Variants in RNF138 observed in about 807,000 individuals in gnomAD.
RNF138 encodes ring finger protein 138.
A neutral mutation model predicts 31.0 loss-of-function variants in RNF138; 12 were observed. The observed-to-expected ratio is 0.39, with a 90% CI of 0.25 to 0.63. The LOEUF (loss-of-function observed/expected upper bound fraction) is 0.63, where lower values mean the gene tolerates loss of function less well. RNF138 is among the 20% of genes least tolerant of loss of function. The probability of loss-of-function intolerance (pLI) is 0.52; values close to 1 mark genes in which losing one functional copy is unlikely to be tolerated. For missense variants in RNF138, 192 were observed against 300.1 expected (o/e 0.64, Z 2.66); for synonymous variants, 105 against 99.5 (o/e 1.06, Z -0.33).
At chr18:32,093,044 C>T (rs1368848034) in intron 2 of RNF138, among the ~76,000 whole-genome samples, 158 bp downstream of exon 2, 2 of 151,908 alleles carry the variant, frequency 1.3e-5, no homozygotes, top group Non-Finnish European at 2.9e-5. Context: ...CCTCAGAGTC[C>T]CGGGGCGGCC....
intron 2 of RNF138, among the ~76,000 whole-genome samples, chr18:32,109,236 C>T (rs1478621263): frequency 6.6e-6 from 1 of 151,894 alleles, no homozygotes; most frequent in Non-Finnish European, 1.5e-5. Flanking sequence ...TCACTGCAAC[C>T]TCTGCCTCAC....
intron 2 of RNF138, among the ~76,000 whole-genome samples, chr18:32,101,265 A>G (rs2144573607): frequency 6.8e-6 from 1 of 146,944 alleles, no homozygotes; most frequent in Non-Finnish European, 1.5e-5. Flanking sequence ...TCCAGGCTGG[A>G]GTGCAGTGGC....
chr18:32,118,368 T>C (rs960084854), intron 4 of RNF138, among the ~76,000 whole-genome samples: 1 of 151,326 alleles, frequency 6.6e-6, no homozygotes, highest in African/African-American at 2.4e-5. Context: ...ACCCCATCTC[T>C]ACTAAAAATA....
rs181468451 is a variant in RNF138, at chr18:32,096,255, A to C, written c.110+3369A>C. 3.2e-4 allele frequency among the ~76,000 whole-genome samples: 49 copies of C among 152,338 alleles called. 1 individual carries two copies. The South Asian group carries it at 7.5e-3, about 23-fold the overall frequency. ...TTTTTAGAAAGTTTACCTTCATAGC[A>C]GGGTTTTCAGCTTGGTAGTGGTGAG... On this transcript the variant is annotated intron_variant, in intron 2 of 7. Coordinates refer to ENST00000261593, the MANE Select transcript of RNF138 (RefSeq NM_016271.5).
chr18:32,111,798 C>T lies in RNF138; in HGVS notation c.155C>T (p.Ala52Val), dbSNP rs1481305138. ...CFLTAMRESG[A>V]HCPLCRGNVT... ...CTGACTGCAATGAGGGAAAGCGGAG[C>T]ACATTGTCCCCTATGTCGTGGAAAT... Residue 52 changes from alanine to valine, a missense_variant, in exon 3 of 8, where the codon GCA becomes GTA. By Grantham distance (64) the Ala-to-Val change is moderately conservative. Around this residue, in one of 2 missense-constraint regions of RNF138, gnomAD observed 140 missense variants for 251.7 expected, o/e 0.56. Coordinates refer to ENST00000261593, the MANE Select transcript of RNF138 (RefSeq NM_016271.5). 6.2e-7 allele frequency: 1 copy of T among 1,613,446 alleles called. No individual in the cohort carries two copies. Among genetic ancestry groups the T allele is most frequent in the South Asian group, 1.1e-5 (1 of 90,986 alleles).
At chr18:32,123,423 C>A (rs549314602) in intron 4 of RNF138, 95 bp from the exon 5 acceptor site, 3 of 787,320 alleles carry the variant, frequency 3.8e-6, no homozygotes, top group Non-Finnish European at 5.7e-6. Context: ...AAAACAAATT[C>A]AGACTAGTCT....
At chr18:32,094,080 C>A (rs1247564996) in intron 2 of RNF138, among the ~76,000 whole-genome samples, 2 of 152,138 alleles carry the variant, frequency 1.3e-5, no homozygotes, top group African/African-American at 4.8e-5. Flanking sequence ...CGTGAGCCAC[C>A]GCGCCCCGCC....
At position 32,106,620 on chromosome 18, in the gene RNF138, A is replaced by G. The variant is rs537115069; in HGVS notation, c.111-5134A>G. Among the ~76,000 whole-genome samples the G allele has an allele frequency of 3.0e-4, 45 of 151,870 alleles. No individual in the cohort carries two copies. The South Asian group carries it at 8.8e-3, about 30-fold the overall frequency. On this transcript the variant is annotated intron_variant, in intron 2 of 7. Coordinates refer to ENST00000261593, the MANE Select transcript of RNF138 (RefSeq NM_016271.5). Reference sequence around the variant, plus strand: ...CGCTCTGTCACACAGGCTTGAGTGCAGTTGTGCGATCTCGGTTCATGGCAA... The same window carrying G: ...CGCTCTGTCACACAGGCTTGAGTGCGGTTGTGCGATCTCGGTTCATGGCAA...
chr18:32,118,509 G>C (rs2040251828), intron 4 of RNF138, among the ~76,000 whole-genome samples: 1 of 145,548 alleles, frequency 6.9e-6, no homozygotes, highest in Non-Finnish European at 1.5e-5. Context: ...ATTCCAGCCT[G>C]GGAGACAGAG....
At chr18:32,115,972 T>C (rs2040210548) in intron 4 of RNF138, among the ~76,000 whole-genome samples, 1 of 152,192 alleles carries the variant, frequency 6.6e-6, no homozygotes, top group Non-Finnish European at 1.5e-5. Context: ...AATGCTGGGT[T>C]CAAATTTCAG....
At chr18:32,106,931 G>T (rs1447393523) in intron 2 of RNF138, among the ~76,000 whole-genome samples, 4 of 151,962 alleles carry the variant, frequency 2.6e-5, no homozygotes, top group Non-Finnish European at 2.9e-5. Context: ...TTATTGTACA[G>T]GTCCTTCACT....
Position 32,092,903 on chromosome 18 carries a change from TC to T in RNF138, c.110+22del, listed in dbSNP as rs2144551043. The T allele has an allele frequency of 1.4e-6, 2 of 1,419,794 alleles. No homozygotes were observed. Among genetic ancestry groups the T allele is most frequent in the Non-Finnish European group, 1.9e-6 (2 of 1,051,548 alleles). The allele number at this position is 1,419,794 out of a possible 1,614,324, so 87.9% of individuals were successfully genotyped here. On this transcript the variant is annotated intron_variant, in intron 2 of 7. Coordinates refer to ENST00000261593, the MANE Select transcript of RNF138 (RefSeq NM_016271.5). ...TCAGCACGTGTGAGTAGACGCCCCC[TC>T]CCCCTCGCGGAGCCGGGTTGTCGCT...
intron 4 of RNF138, chr18:32,122,472 TACTTA>T (rs202193372): frequency 7.9e-6 from 1 of 126,792 alleles, no homozygotes; most frequent in South Asian, 2.5e-4. Context: ...TCTTAGCCAC[TACTTA>T]TCTTATTACT....
rs58774714 is a variant in RNF138 at position 32,107,116 on chromosome 18, C to CTTTTTTTT, written c.111-4624_111-4617dup. 8.0e-5 allele frequency among the ~76,000 whole-genome samples: 8 copies of CTTTTTTTT among 100,594 alleles called. 1 individual carries two copies. Among genetic ancestry groups the CTTTTTTTT allele is most frequent in the Admixed American group, 1.4e-4 (1 of 7,266 alleles). The allele number at this position is 100,594 out of a possible 152,430, so 66.0% of individuals were successfully genotyped here. A position where few individuals can be genotyped will look rare whatever the true frequency, so the allele number is the denominator to read the frequency against. On this transcript the variant is annotated intron_variant, in intron 2 of 7. Transcript: ENST00000261593. Reference sequence around the variant, plus strand: ...TGGTTAAATTCACTTTCCTTTTTTCCTTTTTTTTTTTTTTTTTTTTTGGAG... The same window carrying CTTTTTTTT: ...TGGTTAAATTCACTTTCCTTTTTTCCTTTTTTTTTTTTTTTTTTTTTTTTTTTTTGGAG...
chr18:32,100,468 C>CTTTTT lies in RNF138; in HGVS notation c.110+7602_110+7606dup, dbSNP rs754111567. Among the ~76,000 whole-genome samples, 205 of 69,880 alleles carry CTTTTT rather than the reference C, an allele frequency of 2.9e-3. 5 individuals are homozygous for CTTTTT. Among genetic ancestry groups the CTTTTT allele is most frequent in the African/African-American group, 6.4e-3 (117 of 18,368 alleles). 45.8% of individuals were successfully genotyped at this position (69,880 alleles called of 152,430 possible). A position where few individuals can be genotyped will look rare whatever the true frequency, so the allele number is the denominator to read the frequency against. ...ATGTGCCACCACCACACCCAACTAA[C>CTTTTT]TTTTTTTTTTTTTTTTTTTTTTTTG... On this transcript the variant is annotated intron_variant, in intron 2 of 7. Coordinates refer to ENST00000261593, the MANE Select transcript of RNF138 (RefSeq NM_016271.5).
chr18:32,097,034 T>C (rs1194788929), intron 2 of RNF138, among the ~76,000 whole-genome samples: 5 of 152,114 alleles, frequency 3.3e-5, no homozygotes, highest in Non-Finnish European at 7.4e-5. Context: ...ACCTGGCAGA[T>C]GTAATATTTT....
In RNF138 at chr18:32,121,443, C is replaced by T. The variant is rs138592968; in HGVS notation, c.393-2075C>T. The stretch of plus-strand genomic sequence containing the variant: ...CTGGGAGGCGGAGGTTGTGGTGAGC[C>T]GCGGTCGCGCCACTGCATTCCAGCC... On this transcript the variant is annotated intron_variant, in intron 4 of 7. Transcript: ENST00000261593. Among the ~76,000 whole-genome samples, 1,059 of 152,182 alleles carry T rather than the reference C, an allele frequency of 7.0e-3. 9 individuals are homozygous for T. The highest frequency in any genetic ancestry group is 0.024 in the African/African-American group (979 of 41,520).
At chr18:32,100,197 T>G (rs2039901319) in intron 2 of RNF138, among the ~76,000 whole-genome samples, 2 of 141,944 alleles carry the variant, frequency 1.4e-5, no homozygotes, top group Admixed American at 6.7e-5. Flanking sequence ...GTGTTAGTGA[T>G]TGAGATATAT....
At chr18:32,104,857 A>G (rs75833412) in intron 2 of RNF138, among the ~76,000 whole-genome samples, 1 of 152,186 alleles carries the variant, frequency 6.6e-6, no homozygotes, top group Non-Finnish European at 1.5e-5. Flanking sequence ...AAGTCCCAAC[A>G]TGATTTTTTG....
Sources: gnomAD v4.1 joint callset for allele counts (sites outside exome capture counted in the v4.1 genomes callset) on GRCh38, gnomAD v4.1.1 for gene constraint, gnomAD v4.1.1 regional missense constraint, MANE v1.5 for transcripts, NCBI Gene and HGNC (gene_info 2026-07-23, HGNC 2026-07-21) for gene names.